SFMBT2: variants seen among roughly 807,000 people sequenced by gnomAD.
SFMBT2 encodes scm-like with four MBT domains protein 2.
A neutral mutation model predicts 110.1 loss-of-function variants in SFMBT2; 38 were observed. That is an observed-to-expected ratio of 0.35 (90% CI 0.27 to 0.45). The LOEUF (loss-of-function observed/expected upper bound fraction) is 0.45, where lower values mean the gene tolerates loss of function less well. Among genes scored for constraint, SFMBT2 ranks in the 20% least tolerant of loss-of-function variants. The pLI, the probability that SFMBT2 is intolerant of heterozygous loss-of-function variation, is 1.00. For missense variants in SFMBT2, 1,011 were observed against 1,094.9 expected (o/e 0.92, Z 1.08); for synonymous variants, 425 against 425.4 (o/e 1.00, Z 0.01).
At chr10:7,202,576 C>G in intron 12 of SFMBT2, 54 bp from the exon 13 acceptor site, 1 of 1,613,560 alleles carries the variant, frequency 6.2e-7, no homozygotes, top group African/African-American at 1.3e-5. Flanking sequence ...TGGGGCAAGT[C>G]CATTTTTAAA....
chr10:7,226,824 G>A (rs1196578849), intron 10 of SFMBT2, among the ~76,000 whole-genome samples: 1 of 152,152 alleles, frequency 6.6e-6, no homozygotes, highest in Non-Finnish European at 1.5e-5. Context: ...CCTAGGCTAT[G>A]TGGTATAAGC....
intron 9 of SFMBT2, among the ~76,000 whole-genome samples, chr10:7,230,594 T>G (rs1840088731): frequency 2.0e-5 from 3 of 152,134 alleles, no homozygotes; most frequent in Admixed American, 2.0e-4. Context: ...AAAAGTAGAT[T>G]AAATCTTCTG....
intron 1 of SFMBT2, among the ~76,000 whole-genome samples, chr10:7,382,485 G>A (rs184276008): frequency 6.6e-5 from 10 of 152,240 alleles, no homozygotes; most frequent in African/African-American, 1.9e-4. Context: ...AGGTCTCGGC[G>A]TAGCAAAACC....
At chr10:7,306,661 A>C (rs1029876014) in intron 4 of SFMBT2, among the ~76,000 whole-genome samples, 3 of 152,188 alleles carry the variant, frequency 2.0e-5, no homozygotes, top group Non-Finnish European at 2.9e-5. Flanking sequence ...AATTAATAAT[A>C]ATCATCTACA....
chr10:7,179,542 C>T (rs928602135), intron 16 of SFMBT2, among the ~76,000 whole-genome samples: 6 of 152,050 alleles, frequency 3.9e-5, no homozygotes, highest in African/African-American at 7.2e-5. Flanking sequence ...TTATCCACTA[C>T]GAGTTTGGTG....
chr10:7,316,445 C>A (rs1434347629), intron 4 of SFMBT2, among the ~76,000 whole-genome samples: 1 of 152,084 alleles, frequency 6.6e-6, no homozygotes, highest in Non-Finnish European at 1.5e-5. Flanking sequence ...CAGTGATGGG[C>A]CCCGCCAGGC....
At chr10:7,348,058 A>C (rs1411560467) in intron 4 of SFMBT2, 1 of 372,054 alleles carries the variant, frequency 2.7e-6, no homozygotes, top group Non-Finnish European at 4.8e-6. Flanking sequence ...ATGAAACATT[A>C]CTCCAAATAA....
At chr10:7,198,787 T>C (rs1838857522) in intron 14 of SFMBT2, among the ~76,000 whole-genome samples, 1 of 152,068 alleles carries the variant, frequency 6.6e-6, no homozygotes, top group Non-Finnish European at 1.5e-5. Flanking sequence ...ATGCCTATAA[T>C]CCTAGCACTT....
intron 1 of SFMBT2, among the ~76,000 whole-genome samples, chr10:7,390,522 G>C (rs1321065634): frequency 6.6e-6 from 1 of 152,066 alleles, no homozygotes; most frequent in African/African-American, 2.4e-5. Flanking sequence ...TATTACGTGT[G>C]TCATACAAAG....
chr10:7,277,135 A>C, intron 6 of SFMBT2, 146 bp from the exon 7 acceptor site: 1 of 590,586 alleles, frequency 1.7e-6, no homozygotes, highest in South Asian at 2.2e-5. Flanking sequence ...CACCATGAGC[A>C]GCCACCTGCT....
rs1053938185 is a variant in SFMBT2 at position 7,164,034 on chromosome 10, G to T, written c.2545-124C>A. 4 of 1,401,092 alleles carry T rather than the reference G, an allele frequency of 2.9e-6. No individual in the cohort carries two copies. The African/African-American group carries it at 4.4e-5, about 15-fold the overall frequency. 86.8% of individuals were successfully genotyped at this position (1,401,092 alleles called of 1,614,324 possible). A position where few individuals can be genotyped will look rare whatever the true frequency, so the allele number is the denominator to read the frequency against. ...GGATGCTCTTGTTTCATTCAATTCA[G>T]GGGATTGTTGGTAGAGATACCAGCC... On this transcript the variant is annotated intron_variant, in intron 20 of 20. Transcript: ENST00000397167.
chr10:7,345,837 A>T (rs1447060543), intron 4 of SFMBT2, among the ~76,000 whole-genome samples: 1 of 152,130 alleles, frequency 6.6e-6, no homozygotes, highest in East Asian at 1.9e-4. Flanking sequence ...CATAAATGGC[A>T]TTCACCCTTC....
chr10:7,172,642 T>C lies in SFMBT2; in HGVS notation c.2004A>G (p.Arg668=). 6.2e-7 allele frequency: 1 copy of C among 1,614,070 alleles called. No individual in the cohort carries two copies. The highest frequency in any genetic ancestry group is 8.5e-7 in the Non-Finnish European group (1 of 1,180,004). The change falls in exon 18 of 21, where the codon AGA becomes AGG. Residue 668 remains arginine, a synonymous_variant. Transcript: ENST00000397167. The surrounding 1 kb of genome is among the most constrained non-coding windows in gnomAD (Gnocchi z 4.6). ...CGATGGGGGGCTTGGAGATCTTCTT[T>C]CTCTTTCCATAGTAATAGGCTGTAG... ...KTKYTYYYGK[R]KKISKPPIGE...
At chr10:7,175,004 A>G (rs1317257813) in intron 17 of SFMBT2, among the ~76,000 whole-genome samples, 1 of 152,212 alleles carries the variant, frequency 6.6e-6, no homozygotes, top group Non-Finnish European at 1.5e-5. Flanking sequence ...AAATACAAAG[A>G]AAGTCACACT....
chr10:7,306,466 G>T (rs565875215), intron 4 of SFMBT2, among the ~76,000 whole-genome samples: 10 of 152,286 alleles, frequency 6.6e-5, no homozygotes, highest in Non-Finnish European at 1.2e-4. Flanking sequence ...CCACAACAGT[G>T]AACTGAGTAG....
At chr10:7,317,536 G>A (rs1409003558) in intron 4 of SFMBT2, among the ~76,000 whole-genome samples, 1 of 151,202 alleles carries the variant, frequency 6.6e-6, no homozygotes, top group South Asian at 2.1e-4. Context: ...AGCTACTCAG[G>A]AGGCTGAGGG....
intron 4 of SFMBT2, among the ~76,000 whole-genome samples, chr10:7,325,393 C>T (rs1252218431): frequency 1.3e-5 from 2 of 152,152 alleles, no homozygotes; most frequent in Admixed American, 1.3e-4. Flanking sequence ...TAAAGCTGTA[C>T]TCAGAGAAGT....
intron 11 of SFMBT2, among the ~76,000 whole-genome samples, chr10:7,209,733 G>A (rs1284497062): frequency 2.0e-5 from 3 of 152,238 alleles, no homozygotes; most frequent in Non-Finnish European, 4.4e-5. Flanking sequence ...AACACAGTGG[G>A]TGTCCACAGG....
chr10:7,252,593 G>A (rs763272903), intron 7 of SFMBT2, among the ~76,000 whole-genome samples: 3 of 152,068 alleles, frequency 2.0e-5, no homozygotes, highest in Admixed American at 6.5e-5. Flanking sequence ...TGGTGGATGC[G>A]GGATGAAAAT....
Sources: allele counts gnomAD v4.1 joint callset (sites outside exome capture counted in the v4.1 genomes callset), GRCh38; gene constraint gnomAD v4.1.1; non-coding constraint Gnocchi (gnomAD v3.1); transcripts MANE v1.5; gene names NCBI Gene and HGNC (gene_info 2026-07-23, HGNC 2026-07-21).